OSBPL3: variants seen among roughly 807,000 people sequenced by gnomAD.
OSBPL3 encodes the protein oxysterol binding protein like 3.
Under a neutral mutation model 120.1 loss-of-function variants are expected in OSBPL3, and 65 were observed. The ratio of observed to expected loss-of-function variants is 0.54; its 90% CI spans 0.44 to 0.67. The LOEUF is 0.67. OSBPL3 is among the 30% of genes least tolerant of loss of function. The pLI is 0.00. For missense variants in OSBPL3, 1,004 were observed against 1,082.1 expected (o/e 0.93, Z 1.01); for synonymous variants, 416 against 402.6 (o/e 1.03, Z -0.40).
chr7:24,804,496 T>C lies in OSBPL3; in HGVS notation c.2445-59A>G. 6.5e-7 allele frequency: 1 copy of C among 1,533,808 alleles called. No individual in the cohort carries two copies. The highest frequency in any genetic ancestry group is 1.2e-5 in the South Asian group (1 of 86,470). On this transcript the variant is annotated intron_variant, in intron 21 of 22. Transcript: ENST00000313367. This position sits in a 1 kb window ranked among gnomAD's most constrained non-coding sequence, Gnocchi z 5.4. Reference sequence around the variant, plus strand: ...TGAATTCAAGAAAACAAAACAATCATTACTACTCAACTTGCATGTGTCCAC... The same window carrying C: ...TGAATTCAAGAAAACAAAACAATCACTACTACTCAACTTGCATGTGTCCAC...
chr7:24,813,388 T>C lies in OSBPL3; in HGVS notation c.2172+1671A>G, dbSNP rs1025478730. ...CACCCATTTTCTGCATGTAAGTGAA[T>C]GAGAACAAGGTAGGTGGTAGATATG... On this transcript the variant is annotated intron_variant, in intron 19 of 22. Transcript: ENST00000313367. The surrounding 1 kb of genome is among the most constrained non-coding windows in gnomAD (Gnocchi z 4.5). Among the ~76,000 whole-genome samples, 5 of 152,268 alleles carry C rather than the reference T, an allele frequency of 3.3e-5. No individual in the cohort carries two copies. The highest frequency in any genetic ancestry group is 1.2e-4 in the African/African-American group (5 of 41,538).
Position 24,798,521 on chromosome 7 carries a change from T to C in OSBPL3, c.*1662A>G, listed in dbSNP as rs951788950. 5 of 152,248 alleles carry C rather than the reference T, an allele frequency of 3.3e-5. No individual in the cohort carries two copies. The highest frequency in any genetic ancestry group is 1.2e-4 in the African/African-American group (5 of 41,468). The allele number at this position is 152,248 out of a possible 1,614,324, so 9.4% of individuals were successfully genotyped here. Reference sequence around the variant, plus strand: ...AAATGGAAATGATATTCACATTGTGTTCATCTTGGCATCTCGATAAAATGA... The same window carrying C: ...AAATGGAAATGATATTCACATTGTGCTCATCTTGGCATCTCGATAAAATGA... On this transcript the variant is annotated 3_prime_UTR_variant, in exon 23 of 23. Coordinates refer to ENST00000313367, the MANE Select transcript of OSBPL3 (RefSeq NM_015550.4). The surrounding 1 kb of genome is among the most constrained non-coding windows in gnomAD (Gnocchi z 4.6).
intron 1 of OSBPL3, among the ~76,000 whole-genome samples, chr7:24,978,557 A>G (rs1416794884): frequency 6.6e-6 from 1 of 152,190 alleles, no homozygotes; most frequent in Non-Finnish European, 1.5e-5. Flanking sequence ...TTGGATGCAT[A>G]AGAACCTAGG....
Position 24,810,210 on chromosome 7 carries a change from T to G in OSBPL3, c.2173-259A>C, listed in dbSNP as rs1399546592. ...TGATTAACATATGTATTACCTTACA[T>G]ACTTACTTATGATAACACTTAACTC... On this transcript the variant is annotated intron_variant, in intron 19 of 22. Transcript: ENST00000313367. 11 of 360,744 alleles carry G rather than the reference T, an allele frequency of 3.0e-5. No individual in the cohort carries two copies. In the East Asian group the frequency reaches 5.6e-4, roughly 19 times the overall value. 22.3% of individuals were successfully genotyped at this position (360,744 alleles called of 1,614,324 possible). A position where few individuals can be genotyped will look rare whatever the true frequency, so the allele number is the denominator to read the frequency against.
At position 24,871,801 on chromosome 7, in the gene OSBPL3, G is replaced by A. The variant is rs1802154117; in HGVS notation, c.214-6C>T. 1.9e-6 allele frequency: 3 copies of A among 1,607,958 alleles called. No individual in the cohort carries two copies. In the East Asian group the frequency reaches 6.7e-5, roughly 36 times the overall value. On this transcript the variant is annotated splice_region_variant and splice_polypyrimidine_tract_variant and intron_variant, in intron 3 of 22. Coordinates refer to ENST00000313367, the MANE Select transcript of OSBPL3 (RefSeq NM_015550.4). The surrounding 1 kb of genome is among the most constrained non-coding windows in gnomAD (Gnocchi z 4.8). ...TTGTCCAGATAGAAGAATCTCTGTG[G>A]GGAAGAAAGTATTATTAATTAAGGC...
chr7:24,866,853 G>A (rs918881398), intron 5 of OSBPL3, among the ~76,000 whole-genome samples: 1 of 152,210 alleles, frequency 6.6e-6, no homozygotes, highest in African/African-American at 2.4e-5. Context: ...CCAGGCTGCA[G>A]TGCAATGGCC....
chr7:24,945,799 G>A (rs1460420401), intron 1 of OSBPL3, among the ~76,000 whole-genome samples: 1 of 152,244 alleles, frequency 6.6e-6, no homozygotes, highest in Admixed American at 6.5e-5. Flanking sequence ...TTAAGGCTCT[G>A]TTCAAAGAAA....
chr7:24,866,282 C>T, intron 5 of OSBPL3, 45 bp from the exon 6 acceptor site: 1 of 1,373,750 alleles, frequency 7.3e-7, no homozygotes. Flanking sequence ...GAATCATTCA[C>T]TGGAAGGAAC....
Position 24,800,318 on chromosome 7 carries a change from C to T in OSBPL3, c.2568-39G>A, listed in dbSNP as rs760806915. On this transcript the variant is annotated intron_variant, in intron 22 of 22. Transcript: ENST00000313367. ...AACAATTTCTTGCAGACTCTTGAAA[C>T]CAGCGTCACATTCTCAAGTCTCTTT... 6.7e-6 allele frequency: 8 copies of T among 1,196,300 alleles called. No individual in the cohort carries two copies. In the Admixed American group the frequency reaches 1.0e-4, roughly 15 times the overall value. The allele number at this position is 1,196,300 out of a possible 1,614,324, so 74.1% of individuals were successfully genotyped here.
At chr7:24,979,190 A>G (rs1817913116) in intron 1 of OSBPL3, among the ~76,000 whole-genome samples, 1 of 152,134 alleles carries the variant, frequency 6.6e-6, no homozygotes, top group African/African-American at 2.4e-5. Flanking sequence ...CTGAACTAAG[A>G]CGCTGCAGGG....
chr7:24,820,344 AC>A lies in OSBPL3; in HGVS notation c.1885-107del. The A allele has an allele frequency of 2.5e-6, 2 of 784,454 alleles. No homozygotes were observed. Among genetic ancestry groups the A allele is most frequent in the Admixed American group, 2.3e-5 (1 of 43,256 alleles). The allele number at this position is 784,454 out of a possible 1,614,324, so 48.6% of individuals were successfully genotyped here. A position where few individuals can be genotyped will look rare whatever the true frequency, so the allele number is the denominator to read the frequency against. ...GAGATGTAACAGCGTGCAATGCTGA[AC>A]TGAAGGAAAAACTTCTTTAGTTTCC... On this transcript the variant is annotated intron_variant, in intron 16 of 22. Coordinates refer to ENST00000313367, the MANE Select transcript of OSBPL3 (RefSeq NM_015550.4). This position sits in a 1 kb window ranked among gnomAD's most constrained non-coding sequence, Gnocchi z 4.6.
intron 14 of OSBPL3, among the ~76,000 whole-genome samples, chr7:24,837,335 C>T (rs1320163449): frequency 6.6e-6 from 1 of 152,128 alleles, no homozygotes; most frequent in Non-Finnish European, 1.5e-5. Flanking sequence ...TCCTGAGTAG[C>T]TCAGACTACA....
chr7:24,820,150 G>C lies in OSBPL3; in HGVS notation c.1948+25C>G, dbSNP rs1174575316. On this transcript the variant is annotated intron_variant, in intron 17 of 22. Coordinates refer to ENST00000313367, the MANE Select transcript of OSBPL3 (RefSeq NM_015550.4). The surrounding 1 kb of genome is among the most constrained non-coding windows in gnomAD (Gnocchi z 4.6). The stretch of plus-strand genomic sequence containing the variant: ...AGATAACATATTACACAATATGATG[G>C]AAGTAAAATGTATTAGCACATTACC... 1 of 1,462,422 alleles carries C rather than the reference G, an allele frequency of 6.8e-7. No individual in the cohort carries two copies. The highest frequency in any genetic ancestry group is 2.3e-5 in the East Asian group (1 of 43,524). The allele number at this position is 1,462,422 out of a possible 1,614,324, so 90.6% of individuals were successfully genotyped here.
In OSBPL3 at chr7:24,891,259, A is replaced by T. The variant is rs1405554128; in HGVS notation, c.96+1118T>A. Reference sequence around the variant, plus strand: ...GAAGGAACCGATGACAGTGCTGACAAAATTCTCCTTAACCCCTCAGGGGAG... The same window carrying T: ...GAAGGAACCGATGACAGTGCTGACATAATTCTCCTTAACCCCTCAGGGGAG... On this transcript the variant is annotated intron_variant, in intron 2 of 22. Coordinates refer to ENST00000313367, the MANE Select transcript of OSBPL3 (RefSeq NM_015550.4). The surrounding 1 kb of genome is among the most constrained non-coding windows in gnomAD (Gnocchi z 4.1). Among the ~76,000 whole-genome samples the T allele has an allele frequency of 6.6e-6, 1 of 152,054 alleles. No individual in the cohort carries two copies. The highest frequency in any genetic ancestry group is 1.5e-5 in the Non-Finnish European group (1 of 67,986).
In OSBPL3 at chr7:24,866,126, C is replaced by A; in HGVS notation, c.493G>T (p.Gly165Trp). Reference protein sequence around the residue: ...FPHEVNHFFSGSTITDSSSGV... With the variant: ...FPHEVNHFFSWSTITDSSSGV... ...GATGAAGAGTCTGTGATGGTGGACCCTGAGAAAAAGTGGTTAACTTCATGT... is the reference window on the plus strand; with the variant it reads ...GATGAAGAGTCTGTGATGGTGGACCATGAGAAAAAGTGGTTAACTTCATGT... Residue 165 changes from glycine to tryptophan, a missense_variant, in exon 6 of 23, where the codon GGG becomes TGG. Physicochemically the swap from Gly to Trp is radical, Grantham distance 184 (BLOSUM62 -2). Transcript: ENST00000313367. The A allele has an allele frequency of 6.2e-7, 1 of 1,613,694 alleles. No homozygotes were observed. Among genetic ancestry groups the A allele is most frequent in the Non-Finnish European group, 8.5e-7 (1 of 1,179,630 alleles).
In OSBPL3 at chr7:24,816,613, G is replaced by A. The variant is rs561433543; in HGVS notation, c.2024C>T (p.Pro675Leu). The A allele has an allele frequency of 6.2e-7, 1 of 1,608,552 alleles. No homozygotes were observed. Among genetic ancestry groups the A allele is most frequent in the South Asian group, 1.1e-5 (1 of 90,950 alleles). The change falls in exon 18 of 23, where the codon CCA becomes CTA. Residue 675 changes from proline (P) to leucine (L), a missense_variant. Physicochemically the swap from Pro to Leu is moderately conservative, Grantham distance 98 (BLOSUM62 -3). Around this residue, in one of 4 missense-constraint regions of OSBPL3, gnomAD observed 473 missense variants for 568.0 expected, o/e 0.83. Transcript: ENST00000313367. ...VPIGTTHVTL[P>L]VFGDHFEWNK... ...TAACCACAGAAGAAGAACTTACACT[G>A]GCAGAGTCACATGGGTTGTGCCAAT...
rs533500689 is a variant in OSBPL3, at chr7:24,954,506, T to C, written c.-150+25380A>G. Among the ~76,000 whole-genome samples the C allele has an allele frequency of 2.3e-4, 35 of 152,256 alleles. No individual in the cohort carries two copies. In the South Asian group the frequency reaches 7.0e-3, roughly 31 times the overall value. Reference sequence around the variant, plus strand: ...GCATTTCTGCTGCAAACAAAGTGTTTAGACAAACAGCACTCTCTCTATCCC... The same window carrying C: ...GCATTTCTGCTGCAAACAAAGTGTTCAGACAAACAGCACTCTCTCTATCCC... On this transcript the variant is annotated intron_variant, in intron 1 of 22. Coordinates refer to ENST00000313367, the MANE Select transcript of OSBPL3 (RefSeq NM_015550.4).
chr7:24,964,975 T>C lies in OSBPL3; in HGVS notation c.-150+14911A>G, dbSNP rs561827179. On this transcript the variant is annotated intron_variant, in intron 1 of 22. Transcript: ENST00000313367. This position sits in a 1 kb window ranked among gnomAD's most constrained non-coding sequence, Gnocchi z 4.2. ...GCAATGTTTTGGGAAGTATTTTTAA[T>C]AGGCATGTTGTATTAATTAATTATT... Among the ~76,000 whole-genome samples, 1 of 152,356 alleles carries C rather than the reference T, an allele frequency of 6.6e-6. No homozygotes were observed. The highest frequency in any genetic ancestry group is 2.1e-4 in the South Asian group (1 of 4,828).
chr7:24,939,870 A>G lies in OSBPL3; in HGVS notation c.-150+40016T>C, dbSNP rs1812880232. Among the ~76,000 whole-genome samples, 1 of 152,196 alleles carries G rather than the reference A, an allele frequency of 6.6e-6. No homozygotes were observed. Among genetic ancestry groups the G allele is most frequent in the South Asian group, 2.1e-4 (1 of 4,830 alleles). On this transcript the variant is annotated intron_variant, in intron 1 of 22. Transcript: ENST00000313367. The surrounding 1 kb of genome is among the most constrained non-coding windows in gnomAD (Gnocchi z 4.2). ...AGGAAAGAGGAGGGAGAGCATTAGG[A>G]CAAATATCTAATGCATGCAGGTCTT... is the stretch of plus-strand genomic sequence containing the variant.
Sources: allele counts gnomAD v4.1 joint callset (sites outside exome capture counted in the v4.1 genomes callset), GRCh38; gene constraint gnomAD v4.1.1; regional missense constraint gnomAD v4.1.1; non-coding constraint Gnocchi (gnomAD v3.1); transcripts MANE v1.5; gene names NCBI Gene and HGNC (gene_info 2026-07-23, HGNC 2026-07-21).